Variants in IRS2 observed in about 807,000 individuals in gnomAD.
IRS2 encodes the protein insulin receptor substrate 2.
A neutral mutation model predicts 70.9 loss-of-function variants in IRS2; 28 were observed. The ratio of observed to expected loss-of-function variants is 0.39; its 90% CI spans 0.29 to 0.54. IRS2 has a LOEUF of 0.54. Ranked by LOEUF, IRS2 falls within the 20% of genes least tolerant of loss-of-function variation. IRS2 has a pLI of 0.59. For missense variants in IRS2, 2,081 were observed against 2,024.1 expected, an observed-to-expected ratio of 1.03 and a Z score of -0.54; for synonymous variants, 1,217 against 981.9, an observed-to-expected ratio of 1.24 and a Z score of -4.48.
At position 109,784,070 on chromosome 13, in the gene IRS2, G is replaced by A. The variant is rs769430694; in HGVS notation, c.1984C>T (p.Leu662Phe). The A allele has an allele frequency of 1.3e-6, 2 of 1,570,770 alleles. No individual in the cohort carries two copies. Among genetic ancestry groups the A allele is most frequent in the African/African-American group, 1.3e-5 (1 of 74,546 alleles). ...GYMPMTPGAA[L>F]AGSGSGSCRS... Reference sequence around the variant, plus strand: ...CAGCTGCCGCTCCCACTGCCCGCGAGGGCCGCGCCGGGCGTCATGGGCATG... The same window carrying A: ...CAGCTGCCGCTCCCACTGCCCGCGAAGGCCGCGCCGGGCGTCATGGGCATG... Residue 662 changes from leucine (L) to phenylalanine (F), a missense_variant, in exon 1 of 2, where the codon CTC becomes TTC. Transcript: ENST00000375856. This position sits in a 1 kb window ranked among gnomAD's most constrained non-coding sequence, Gnocchi z 5.2.
At position 109,784,304 on chromosome 13, in the gene IRS2, G is replaced by T; in HGVS notation, c.1750C>A (p.Gln584Lys). 3 of 1,599,882 alleles carry T rather than the reference G, an allele frequency of 1.9e-6. No homozygotes were observed. Among genetic ancestry groups the T allele is most frequent in the Non-Finnish European group, 1.7e-6 (2 of 1,173,700 alleles). ...GAGGAGGGCTGGGGCACCGGCCGCT[G>T]CCGGGCTGGCGTGGTCAGGGAGTAG... Reference protein sequence around the residue: ...RTYSLTTPARQRPVPQPSSAS... With the variant: ...RTYSLTTPARKRPVPQPSSAS... The change falls in exon 1 of 2, where the codon CAG becomes AAG. Residue 584 changes from glutamine to lysine, a missense_variant. Physicochemically the swap from Gln to Lys is moderately conservative, Grantham distance 53 (BLOSUM62 1). This residue lies in a region of IRS2 where 1,615 missense variants were observed against 1,459.5 expected (regional missense o/e 1.11). Transcript: ENST00000375856. The surrounding 1 kb of genome is among the most constrained non-coding windows in gnomAD (Gnocchi z 5.2).
intron 1 of IRS2, among the ~76,000 whole-genome samples, chr13:109,773,754 T>C (rs1486726383): frequency 6.6e-6 from 1 of 152,266 alleles, no homozygotes; most frequent in Non-Finnish European, 1.5e-5. Flanking sequence ...TCAGGGTTTC[T>C]TTTAGTCTAT....
At chr13:109,775,176 T>C (rs1241900892) in intron 1 of IRS2, among the ~76,000 whole-genome samples, 2 of 149,026 alleles carry the variant, frequency 1.3e-5, no homozygotes. Flanking sequence ...TGGAGTACAG[T>C]GTCGCGATCT....
At position 109,783,425 on chromosome 13, in the gene IRS2, G is replaced by A; in HGVS notation, c.2629C>T (p.Pro877Ser). The change falls in exon 1 of 2, where the codon CCG becomes TCG. Residue 877 changes from proline (P) to serine (S), a missense_variant. By Grantham distance (74) the Pro-to-Ser change is moderately conservative (BLOSUM62 -1). This residue lies in a region of IRS2 where 1,615 missense variants were observed against 1,459.5 expected (regional missense o/e 1.11). Transcript: ENST00000375856. ...PSPVRPSGGR[P>S]EGFLGQRGRA... ...CCGCGCTGGCCCAAGAAGCCCTCCG[G>A]GCGGCCGCCGCTAGGCCGCACGGGC... The A allele has an allele frequency of 1.3e-6, 2 of 1,493,248 alleles. No homozygotes were observed. Among genetic ancestry groups the A allele is most frequent in the South Asian group, 2.6e-5 (2 of 77,962 alleles). The allele number at this position is 1,493,248 out of a possible 1,614,324, so 92.5% of individuals were successfully genotyped here. A position where few individuals can be genotyped will look rare whatever the true frequency, so the allele number is the denominator to read the frequency against.
chr13:109,754,661 A>G lies in IRS2; in HGVS notation c.*1643T>C, dbSNP rs186078662. 1.4e-3 allele frequency: 287 copies of G among 199,310 alleles called. No individual in the cohort carries two copies. Among genetic ancestry groups the G allele is most frequent in the African/African-American group, 6.4e-3 (278 of 43,628 alleles). The allele number at this position is 199,310 out of a possible 1,614,324, so 12.3% of individuals were successfully genotyped here. ...GTTCAGGGAGATCACTTTACATTCAACTTTGTCTTGCAATACAATCCTCTG... is the reference window on the plus strand; with the variant it reads ...GTTCAGGGAGATCACTTTACATTCAGCTTTGTCTTGCAATACAATCCTCTG... On this transcript the variant is annotated 3_prime_UTR_variant, in exon 2 of 2. Coordinates refer to ENST00000375856, the MANE Select transcript of IRS2 (RefSeq NM_003749.3).
In IRS2 at chr13:109,783,855, G is replaced by A. The variant is rs891920130; in HGVS notation, c.2199C>T (p.Ala733=). 3.8e-6 allele frequency: 6 copies of A among 1,559,264 alleles called. No homozygotes were observed. Among genetic ancestry groups the A allele is most frequent in the Non-Finnish European group, 5.2e-6 (6 of 1,152,094 alleles). ...SGGGYKASSP[A]ESSPEDSGYM... is the part of the protein sequence containing the mutation. ...ACCCACTGTCCTCGGGGGAGCTCTC[G>A]GCGGGCGAGCTGGCCTTGTAGCCGC... Residue 733 remains alanine, a synonymous_variant, in exon 1 of 2, where the codon GCC becomes GCT. Coordinates refer to ENST00000375856, the MANE Select transcript of IRS2 (RefSeq NM_003749.3).
chr13:109,783,353 G>C lies in IRS2; in HGVS notation c.2701C>G (p.Leu901Val). 1.3e-6 allele frequency: 2 copies of C among 1,551,362 alleles called. No individual in the cohort carries two copies. The highest frequency in any genetic ancestry group is 1.7e-6 in the Non-Finnish European group (2 of 1,157,962). The change falls in exon 1 of 2, where the codon CTG becomes GTG. Residue 901 changes from leucine (L) to valine (V), a missense_variant. Physicochemically the swap from Leu to Val is conservative, Grantham distance 32. Coordinates refer to ENST00000375856, the MANE Select transcript of IRS2 (RefSeq NM_003749.3). Reference protein sequence around the residue: ...TRLSLEGLPSLPSMHEYPLPP... With the variant: ...TRLSLEGLPSVPSMHEYPLPP... ...AGTGGGTACTCGTGCATGCTGGGCA[G>C]GCTGGGCAGCCCCTCCAGGGACAGG...
At chr13:109,779,437 G>A (rs1486884472) in intron 1 of IRS2, among the ~76,000 whole-genome samples, 3 of 152,190 alleles carry the variant, frequency 2.0e-5, no homozygotes, top group Non-Finnish European at 4.4e-5. Flanking sequence ...CTGATCTACT[G>A]TGAACTCTGT....
At position 109,783,956 on chromosome 13, in the gene IRS2, C is replaced by T. The variant is rs2138934212; in HGVS notation, c.2098G>A (p.Ala700Thr). ...GCAGGCCCCGCAGAAGGCACGGCGGCGGCGGCGGCGGCGGCGGCCCTGGGC... is the reference window on the plus strand; with the variant it reads ...GCAGGCCCCGCAGAAGGCACGGCGGTGGCGGCGGCGGCGGCGGCCCTGGGC... Reference protein sequence around the residue: ...LQPRAAAAAAAAVPSAGPAGP... With the variant: ...LQPRAAAAAATAVPSAGPAGP... The change falls in exon 1 of 2, where the codon GCC becomes ACC. Residue 700 changes from alanine to threonine, a missense_variant. Ala to Thr is a moderately conservative substitution (Grantham distance 58, BLOSUM62 0). Coordinates refer to ENST00000375856, the MANE Select transcript of IRS2 (RefSeq NM_003749.3). 3 of 1,507,236 alleles carry T rather than the reference C, an allele frequency of 2.0e-6. No individual in the cohort carries two copies. Among genetic ancestry groups the T allele is most frequent in the Non-Finnish European group, 2.6e-6 (3 of 1,133,688 alleles). The allele number at this position is 1,507,236 out of a possible 1,614,324, so 93.4% of individuals were successfully genotyped here. A position where few individuals can be genotyped will look rare whatever the true frequency, so the allele number is the denominator to read the frequency against.
intron 1 of IRS2, among the ~76,000 whole-genome samples, chr13:109,776,835 A>C (rs1476225595): frequency 6.6e-6 from 1 of 152,220 alleles, no homozygotes; most frequent in Non-Finnish European, 1.5e-5. Flanking sequence ...AGTCAGAATA[A>C]CCACTGCAGT....
chr13:109,761,539 G>A (rs1231027607), intron 1 of IRS2, among the ~76,000 whole-genome samples: 5 of 147,950 alleles, frequency 3.4e-5, no homozygotes, highest in African/African-American at 1.0e-4. Flanking sequence ...AAATAAACCC[G>A]ATAATTTAGT....
At chr13:109,757,716 C>T (rs1877137050) in intron 1 of IRS2, among the ~76,000 whole-genome samples, 3 of 152,166 alleles carry the variant, frequency 2.0e-5, no homozygotes, top group African/African-American at 4.8e-5. Flanking sequence ...GAGTCTTATT[C>T]TGTCACCCAG....
At chr13:109,767,940 C>A (rs1877372943) in intron 1 of IRS2, among the ~76,000 whole-genome samples, 1 of 152,058 alleles carries the variant, frequency 6.6e-6, no homozygotes, top group Non-Finnish European at 1.5e-5. Context: ...ATCATATTGG[C>A]CAGGATGGTC....
chr13:109,762,089 C>G lies in IRS2; in HGVS notation c.4013-5781G>C, dbSNP rs189171974. Reference sequence around the variant, plus strand: ...CACATTCAACTTTCCTATACAGGAGCCTGTATAAATTTTACAGTGCACGGC... The same window carrying G: ...CACATTCAACTTTCCTATACAGGAGGCTGTATAAATTTTACAGTGCACGGC... On this transcript the variant is annotated intron_variant, in intron 1 of 1. Coordinates refer to ENST00000375856, the MANE Select transcript of IRS2 (RefSeq NM_003749.3). Among the ~76,000 whole-genome samples the G allele has an allele frequency of 1.3e-3, 195 of 152,266 alleles. 2 individuals are homozygous for G. In the Middle Eastern group the frequency reaches 0.031, roughly 24 times the overall value.
At chr13:109,769,198 G>C (rs1877399242) in intron 1 of IRS2, among the ~76,000 whole-genome samples, 1 of 152,118 alleles carries the variant, frequency 6.6e-6, no homozygotes, top group African/African-American at 2.4e-5. Flanking sequence ...ACTCTACCAA[G>C]TAACCACCAC....
At chr13:109,780,261 C>T (rs1877666897) in intron 1 of IRS2, among the ~76,000 whole-genome samples, 1 of 152,206 alleles carries the variant, frequency 6.6e-6, no homozygotes, top group Non-Finnish European at 1.5e-5. Context: ...GTGTGTTTTT[C>T]CCCACTCAAT....
In IRS2 at chr13:109,783,711, G is replaced by C; in HGVS notation, c.2343C>G (p.Pro781=). The change falls in exon 1 of 2, where the codon CCC becomes CCG. Residue 781 remains proline, a synonymous_variant. Transcript: ENST00000375856. ...PSDAVTTGTP[P]DFFSAALHPG... is the part of the protein sequence containing the mutation. ...GGTGCAGGGCTGCGGAGAAGAAGTC[G>C]GGCGGGGTGCCCGTGGTGACCGCGT... The C allele has an allele frequency of 6.4e-7, 1 of 1,571,022 alleles. No individual in the cohort carries two copies. Among genetic ancestry groups the C allele is most frequent in the Non-Finnish European group, 8.6e-7 (1 of 1,158,238 alleles).
Position 109,783,193 on chromosome 13 carries a change from G to A in IRS2, c.2861C>T (p.Pro954Leu), listed in dbSNP as rs1255216533. ...SSSSLLSASS[P>L]ASSLGSGTPG... The stretch of plus-strand genomic sequence containing the variant: ...GGTGCCTGAGCCCAGCGACGAGGCC[G>A]GGCTGCTGGCGGACAAGAGCGAGGA... Residue 954 changes from proline to leucine, a missense_variant, in exon 1 of 2, where the codon CCG becomes CTG. This residue lies in a region of IRS2 where 1,615 missense variants were observed against 1,459.5 expected (regional missense o/e 1.11). Transcript: ENST00000375856. 8 of 1,398,726 alleles carry A rather than the reference G, an allele frequency of 5.7e-6. No individual in the cohort carries two copies. Among genetic ancestry groups the A allele is most frequent in the Non-Finnish European group, 7.4e-6 (8 of 1,080,660 alleles). 86.6% of individuals were successfully genotyped at this position (1,398,726 alleles called of 1,614,324 possible).
At chr13:109,760,377 C>T (rs1329181009) in intron 1 of IRS2, among the ~76,000 whole-genome samples, 2 of 152,236 alleles carry the variant, frequency 1.3e-5, no homozygotes, top group African/African-American at 2.4e-5. Context: ...CTTACTGATA[C>T]TCATTGAATT....
Sources: gnomAD v4.1 joint callset for allele counts (sites outside exome capture counted in the v4.1 genomes callset) on GRCh38, gnomAD v4.1.1 for gene constraint, gnomAD v4.1.1 regional missense constraint, Gnocchi (gnomAD v3.1) non-coding constraint, MANE v1.5 for transcripts, NCBI Gene and HGNC (gene_info 2026-07-23, HGNC 2026-07-21) for gene names.